Variants in CCN4 observed in about 807,000 individuals in gnomAD.
The protein encoded by CCN4 is cellular communication network factor 4.
In CCN4, 30 loss-of-function variants were observed where a neutral mutation model predicts 36.7. The observed-to-expected ratio is 0.82, with a 90% CI of 0.61 to 1.11. The LOEUF (loss-of-function observed/expected upper bound fraction) is 1.11, where lower values mean the gene tolerates loss of function less well. Among genes scored for constraint, CCN4 ranks in the 50% least tolerant of loss-of-function variants. The probability of loss-of-function intolerance (pLI) is 0.00; values close to 1 mark genes in which losing one functional copy is unlikely to be tolerated. For missense variants in CCN4, 505 were observed against 504.9 expected (o/e 1.00, Z 0.00); for synonymous variants, 191 against 195.4 (o/e 0.98, Z 0.19).
At chr8:133,209,029 C>T (rs184440051) in intron 1 of CCN4, among the ~76,000 whole-genome samples, 55 of 152,320 alleles carry the variant, frequency 3.6e-4, no homozygotes, top group Non-Finnish European at 6.0e-4. Context: ...CTGTCTTAGG[C>T]ACCTTCGTCT....
chr8:133,195,044 T>C (rs1269932964), intron 1 of CCN4, among the ~76,000 whole-genome samples: 1 of 142,720 alleles, frequency 7.0e-6, no homozygotes, highest in East Asian at 2.1e-4. Context: ...GTATGCATGG[T>C]GTGTATGTGT....
Position 133,212,981 on chromosome 8 carries a change from C to T in CCN4, c.187C>T (p.Pro63Ser), listed in dbSNP as rs1468930534. 6.2e-7 allele frequency: 1 copy of T among 1,614,136 alleles called. No homozygotes were observed. Among genetic ancestry groups the T allele is most frequent in the Non-Finnish European group, 8.5e-7 (1 of 1,180,008 alleles). Residue 63 changes from proline (P) to serine (S), a missense_variant, in exon 2 of 5, where the codon CCG (proline) becomes TCG (serine). Transcript: ENST00000250160. ...GTGCCCGCCATCCCCACCCCGCTGCCCGCTGGGGGTCAGCCTCATCACAGA... is the reference window on the plus strand; with the variant it reads ...GTGCCCGCCATCCCCACCCCGCTGCTCGCTGGGGGTCAGCCTCATCACAGA... ...CECPPSPPRC[P>S]LGVSLITDGC... is the part of the protein sequence containing the mutation.
Position 133,228,853 on chromosome 8 carries a change from A to G in CCN4, c.*1143A>G, listed in dbSNP as rs1404467910. ...CATTTCACAGCCTTTCGTTCTGCTG[A>G]CCAAATGGCCAGTTTTCTGGTAGGA... On this transcript the variant is annotated 3_prime_UTR_variant, in exon 5 of 5. Coordinates refer to ENST00000250160, the MANE Select transcript of CCN4 (RefSeq NM_003882.4). 5 of 152,166 alleles carry G rather than the reference A, an allele frequency of 3.3e-5. No individual in the cohort carries two copies. Among genetic ancestry groups the G allele is most frequent in the Non-Finnish European group, 7.3e-5 (5 of 68,038 alleles). The allele number at this position is 152,166 out of a possible 1,614,324, so 9.4% of individuals were successfully genotyped here.
chr8:133,202,046 G>GT (rs1853606835), intron 1 of CCN4, among the ~76,000 whole-genome samples: 1 of 152,174 alleles, frequency 6.6e-6, no homozygotes, highest in Non-Finnish European at 1.5e-5. Context: ...AGTATTCAGT[G>GT]TTTTTTGTTG....
At chr8:133,198,674 G>T (rs1327587901) in intron 1 of CCN4, among the ~76,000 whole-genome samples, 2 of 152,250 alleles carry the variant, frequency 1.3e-5, no homozygotes, top group African/African-American at 4.8e-5. Context: ...AAATGGAGCT[G>T]CAGACATCTT....
intron 2 of CCN4, 123 bp from the exon 3 acceptor site, chr8:133,220,458 C>A: frequency 7.1e-7 from 1 of 1,409,724 alleles, no homozygotes; most frequent in Non-Finnish European, 9.7e-7. Context: ...GCCTCTGTTC[C>A]TCCTCCATGC....
chr8:133,196,572 A>G (rs1247678292), intron 1 of CCN4, among the ~76,000 whole-genome samples: 1 of 152,168 alleles, frequency 6.6e-6, no homozygotes, highest in Non-Finnish European at 1.5e-5. Flanking sequence ...GCCTAAGGCT[A>G]TGATAACAGG....
intron 2 of CCN4, 131 bp downstream of exon 2, chr8:133,213,274 G>C: frequency 8.7e-7 from 1 of 1,150,320 alleles, no homozygotes; most frequent in Non-Finnish European, 1.2e-6. Context: ...TACACCCCAT[G>C]ATCAGAGGCC....
chr8:133,208,342 G>T (rs933324557), intron 1 of CCN4, among the ~76,000 whole-genome samples: 1 of 152,180 alleles, frequency 6.6e-6, no homozygotes, highest in Non-Finnish European at 1.5e-5. Flanking sequence ...CCGTTTTACA[G>T]AGGAGAAGAC....
At chr8:133,191,472 A>G (rs992917225) in intron 1 of CCN4, among the ~76,000 whole-genome samples, 4 of 152,218 alleles carry the variant, frequency 2.6e-5, no homozygotes, top group South Asian at 4.1e-4. Flanking sequence ...CCCACCTGAA[A>G]CAGTGCAGAA....
intron 1 of CCN4, among the ~76,000 whole-genome samples, chr8:133,194,044 C>T (rs937923049): frequency 4.6e-5 from 7 of 152,186 alleles, no homozygotes; most frequent in African/African-American, 1.7e-4. Flanking sequence ...TGCTGCTGAA[C>T]GTGAAAATGT....
intron 2 of CCN4, among the ~76,000 whole-genome samples, chr8:133,217,118 T>G (rs1854345961): frequency 1.3e-5 from 2 of 152,202 alleles, no homozygotes; most frequent in Non-Finnish European, 2.9e-5. Flanking sequence ...TCAAGGAAAA[T>G]GTGACAAAGA....
At chr8:133,214,327 G>T (rs1257002500) in intron 2 of CCN4, among the ~76,000 whole-genome samples, 2 of 151,042 alleles carry the variant, frequency 1.3e-5, no homozygotes, top group Non-Finnish European at 2.9e-5. Context: ...CATAATTTTT[G>T]ATTATACAAT....
At chr8:133,214,364 G>T (rs10808607) in intron 2 of CCN4, among the ~76,000 whole-genome samples, 149,548 of 151,586 alleles carry the variant, frequency 0.99, 73,804 homozygotes, top group East Asian at 1. Context: ...ATTATGACCA[G>T]GTAAATATTG....
In CCN4 at chr8:133,227,732, T is replaced by C. The variant is rs200836970; in HGVS notation, c.*22T>C. 26 of 1,603,186 alleles carry C rather than the reference T, an allele frequency of 1.6e-5. No homozygotes were observed. In the Admixed American group the frequency reaches 4.4e-4, roughly 27 times the overall value. Reference sequence around the variant, plus strand: ...CTAGGCAGGCACAAATCTTGGGTCTTGGGGACTAACCCAATGCCTGTGAAG... The same window carrying C: ...CTAGGCAGGCACAAATCTTGGGTCTCGGGGACTAACCCAATGCCTGTGAAG... On this transcript the variant is annotated 3_prime_UTR_variant, in exon 5 of 5. Coordinates refer to ENST00000250160, the MANE Select transcript of CCN4 (RefSeq NM_003882.4).
At chr8:133,225,827 C>T (rs2130624485) in intron 4 of CCN4, among the ~76,000 whole-genome samples, 1 of 152,268 alleles carries the variant, frequency 6.6e-6, no homozygotes, top group Middle Eastern at 3.4e-3. Context: ...CCAGAGAAAC[C>T]TCAGAGACCC....
At chr8:133,205,731 G>T (rs1853747674) in intron 1 of CCN4, among the ~76,000 whole-genome samples, 1 of 152,144 alleles carries the variant, frequency 6.6e-6, no homozygotes, top group Non-Finnish European at 1.5e-5. Flanking sequence ...AAGCATCCTG[G>T]GGTTTGAGGA....
At chr8:133,194,761 CCT>C in intron 1 of CCN4, among the ~76,000 whole-genome samples, 1 of 19,776 alleles carries the variant, frequency 5.1e-5, no homozygotes, top group African/African-American at 3.1e-4. Context: ...GGGGTATGTG[CCT>C]GGGGTGTGTG....
At chr8:133,202,047 T>C (rs1045215934) in intron 1 of CCN4, among the ~76,000 whole-genome samples, 8 of 152,214 alleles carry the variant, frequency 5.3e-5, no homozygotes, top group Non-Finnish European at 7.3e-5. Flanking sequence ...GTATTCAGTG[T>C]TTTTTGTTGT....
Sources: gnomAD v4.1 joint callset for allele counts (sites outside exome capture counted in the v4.1 genomes callset) on GRCh38, gnomAD v4.1.1 for gene constraint, MANE v1.5 for transcripts, NCBI Gene and HGNC (gene_info 2026-07-23, HGNC 2026-07-21) for gene names.